SCN2A: variants seen among roughly 807,000 people sequenced by gnomAD.
SCN2A encodes sodium voltage-gated channel alpha subunit 2.
A neutral mutation model predicts 188.7 loss-of-function variants in SCN2A; 20 were observed. That is an observed-to-expected ratio of 0.11 (90% CI 0.07 to 0.15). The LOEUF is 0.15. Among genes scored for constraint, SCN2A ranks in the 10% least tolerant of loss-of-function variants. The pLI, the probability that SCN2A is intolerant of heterozygous loss-of-function variation, is 1.00. For missense variants in SCN2A, 1,278 were observed against 2,445.0 expected (o/e 0.52, Z 10.07); for synonymous variants, 804 against 833.1 (o/e 0.97, Z 0.60).
chr2:165,311,855 TA>T (rs1360851357), intron 7 of SCN2A, among the ~76,000 whole-genome samples, 169 bp from the exon 8 acceptor site: 2 of 152,188 alleles, frequency 1.3e-5, no homozygotes, highest in Non-Finnish European at 2.9e-5. Context: ...AAAAATGTTA[TA>T]TATTGATATT....
In SCN2A at chr2:165,264,356, A is replaced by T. The variant is rs117934302; in HGVS notation, c.-52+24716A>T. Among the ~76,000 whole-genome samples the T allele has an allele frequency of 8.8e-3, 1,335 of 152,292 alleles. 21 individuals are homozygous for T. The highest frequency in any genetic ancestry group is 0.062 in the East Asian group (323 of 5,180). On this transcript the variant is annotated intron_variant, in intron 1 of 26. Transcript: ENST00000375437. The stretch of plus-strand genomic sequence containing the variant: ...AAACAGAATTTTAAAAAATCACATG[A>T]TCATCTAAATAGATCCAGAAGAAAC...
At chr2:165,370,405 A>C in intron 20 of SCN2A, 106 bp downstream of exon 20, 1 of 1,119,812 alleles carries the variant, frequency 8.9e-7, no homozygotes, top group Non-Finnish European at 1.4e-6. Context: ...ATCAGCCCAA[A>C]TATAAATTAT....
At chr2:165,323,697 G>T (rs937951574) in intron 12 of SCN2A, among the ~76,000 whole-genome samples, 197 bp downstream of exon 12, 2 of 152,128 alleles carry the variant, frequency 1.3e-5, no homozygotes, top group Non-Finnish European at 2.9e-5. Context: ...ACCTAGGTTG[G>T]CTGTCAGAGA....
chr2:165,298,213 A>C (rs1384738361), intron 3 of SCN2A, among the ~76,000 whole-genome samples: 2 of 152,232 alleles, frequency 1.3e-5, no homozygotes, highest in Non-Finnish European at 2.9e-5. Context: ...TGGTTAGCCC[A>C]GGGCCTGGTA....
In SCN2A at chr2:165,326,907, C is replaced by G. The variant is rs1377653728; in HGVS notation, c.2072C>G (p.Ser691Cys). Residue 691 changes from serine (S) to cysteine (C), a missense_variant, in exon 13 of 27, where the codon TCC becomes TGC. This residue lies in a region of SCN2A where 315 missense variants were observed against 386.6 expected (regional missense o/e 0.81). Transcript: ENST00000375437. The part of the protein sequence containing the change: ...RKRRSSSYHV[S>C]MDLLEDPTSR... ...AGACGGTCCAGTTCTTATCATGTTT[C>G]CATGGATTTATTGGAAGATCCTACA... The G allele has an allele frequency of 6.2e-7, 1 of 1,613,966 alleles. No homozygotes were observed. Among genetic ancestry groups the G allele is most frequent in the Non-Finnish European group, 8.5e-7 (1 of 1,179,912 alleles).
Position 165,309,301 on chromosome 2 carries a change from A to C in SCN2A, c.606-51A>C, listed in dbSNP as rs369779411. 32 of 1,613,246 alleles carry C rather than the reference A, an allele frequency of 2.0e-5. No homozygotes were observed. In the African/African-American group the frequency reaches 4.0e-4, roughly 20 times the overall value. ...AGGTGGTAGGCCCCTTATATCTCCAACTGTTTCTTGTGTTCTGTCATTGTG... is the reference window on the plus strand; with the variant it reads ...AGGTGGTAGGCCCCTTATATCTCCACCTGTTTCTTGTGTTCTGTCATTGTG... On this transcript the variant is annotated intron_variant, in intron 5 of 26. Coordinates refer to ENST00000375437, the MANE Select transcript of SCN2A (RefSeq NM_001040142.2).
At chr2:165,306,365 T>A (rs576407575) in intron 3 of SCN2A, among the ~76,000 whole-genome samples, 4 of 152,126 alleles carry the variant, frequency 2.6e-5, no homozygotes, top group Admixed American at 1.3e-4. Context: ...GTGTTATTTT[T>A]CCCCAATAGG....
intron 16 of SCN2A, 78 bp downstream of exon 16, chr2:165,344,989 T>A: frequency 6.3e-7 from 1 of 1,579,420 alleles, no homozygotes; most frequent in African/African-American, 1.3e-5. Context: ...CTGAAGAATA[T>A]TTTGTATTTT....
Position 165,378,158 on chromosome 2 carries a change from C to A in SCN2A, c.4308+508C>A, listed in dbSNP as rs189317706. 7.4e-5 allele frequency among the ~76,000 whole-genome samples: 11 copies of A among 147,738 alleles called. No homozygotes were observed. In the East Asian group the frequency reaches 2.2e-3, roughly 29 times the overall value. On this transcript the variant is annotated intron_variant, in intron 23 of 26. Transcript: ENST00000375437. ...TTTATACATACCAGTACTTTGAATTCTTTTCTATAATTTTCATTAATTTCT... is the reference window on the plus strand; with the variant it reads ...TTTATACATACCAGTACTTTGAATTATTTTCTATAATTTTCATTAATTTCT...
chr2:165,276,525 AT>A (rs1695352313), intron 1 of SCN2A, among the ~76,000 whole-genome samples: 1 of 152,218 alleles, frequency 6.6e-6, no homozygotes, highest in Non-Finnish European at 1.5e-5. Context: ...CTTCTACGCC[AT>A]TGCTCTCGAA....
At position 165,368,451 on chromosome 2, in the gene SCN2A, G is replaced by A. The variant is rs376810209; in HGVS notation, c.3675+1080G>A. On this transcript the variant is annotated intron_variant, in intron 19 of 26. Coordinates refer to ENST00000375437, the MANE Select transcript of SCN2A (RefSeq NM_001040142.2). ...TTCCAGGCTTGAGGGTGGAGCCCTC[G>A]CCAGGTACCCGTCCTCTTCTGCCCA... Among the ~76,000 whole-genome samples the A allele has an allele frequency of 1.4e-4, 21 of 152,222 alleles. No individual in the cohort carries two copies. The East Asian group carries it at 2.5e-3, about 18-fold the overall frequency.
chr2:165,309,101 G>A, intron 5 of SCN2A: 9 of 1,543,504 alleles, frequency 5.8e-6, no homozygotes, highest in Non-Finnish European at 8.0e-6. Flanking sequence ...AAAAGGTCTT[G>A]ATGAAAGACC....
intron 15 of SCN2A, 62 bp downstream of exon 15, chr2:165,342,531 T>G (rs1021528869): frequency 6.5e-7 from 1 of 1,548,442 alleles, no homozygotes; most frequent in Non-Finnish European, 8.9e-7. Flanking sequence ...CATTCTCATC[T>G]AGTAAAAATG....
intron 1 of SCN2A, among the ~76,000 whole-genome samples, chr2:165,256,332 A>G (rs1329083517): frequency 6.6e-6 from 1 of 152,072 alleles, no homozygotes; most frequent in Non-Finnish European, 1.5e-5. Flanking sequence ...ATACTATTCC[A>G]TAATCCTGTT....
At chr2:165,328,833 GC>G (rs1267900952) in intron 13 of SCN2A, among the ~76,000 whole-genome samples, 1 of 151,994 alleles carries the variant, frequency 6.6e-6, no homozygotes, top group Admixed American at 6.6e-5. Context: ...AGAAATAATG[GC>G]CAAGTTTTTA....
chr2:165,244,329 T>C (rs1049486270), intron 1 of SCN2A, among the ~76,000 whole-genome samples: 1 of 152,100 alleles, frequency 6.6e-6, no homozygotes, highest in African/African-American at 2.4e-5. Context: ...GTTAGTGTTA[T>C]CTCCTCTTTA....
chr2:165,247,362 C>G (rs1279938677), intron 1 of SCN2A, among the ~76,000 whole-genome samples: 2 of 151,906 alleles, frequency 1.3e-5, no homozygotes, highest in African/African-American at 2.4e-5. Context: ...GACTCTCTTT[C>G]TATTCTCTTT....
intron 16 of SCN2A, among the ~76,000 whole-genome samples, chr2:165,351,292 T>TA (rs910309530): frequency 2.6e-5 from 4 of 151,924 alleles, no homozygotes; most frequent in Non-Finnish European, 5.9e-5. Flanking sequence ...TTGGCTGCTT[T>TA]AAAAAAAATA....
intron 1 of SCN2A, among the ~76,000 whole-genome samples, chr2:165,291,436 C>CTGTTTCTTTCTTTCTTTCTTTCTT (rs1553563559): frequency 1.5e-5 from 1 of 65,406 alleles, no homozygotes; most frequent in African/African-American, 5.5e-5. Flanking sequence ...GTCTTTCTTT[C>CTGTTTCTTTCTTTCTTTCTTTCTT]TCTTTCTTTC....
Sources: gnomAD v4.1 joint callset for allele counts (sites outside exome capture counted in the v4.1 genomes callset) on GRCh38, gnomAD v4.1.1 for gene constraint, gnomAD v4.1.1 regional missense constraint, MANE v1.5 for transcripts, NCBI Gene and HGNC (gene_info 2026-07-23, HGNC 2026-07-21) for gene names.